DYNC1I1: variants seen among roughly 807,000 people sequenced by gnomAD.
The protein encoded by DYNC1I1 is dynein cytoplasmic 1 intermediate chain 1, also known as cytoplasmic dynein 1 intermediate chain 1.
Under a neutral mutation model 86.6 loss-of-function variants are expected in DYNC1I1, and 43 were observed. The observed-to-expected ratio is 0.50, with a 90% confidence interval of 0.39 to 0.64. The LOEUF (loss-of-function observed/expected upper bound fraction) is 0.64, where lower values mean the gene tolerates loss of function less well. DYNC1I1 is among the 30% of genes least tolerant of loss of function. The pLI is 0.00. For synonymous variants in DYNC1I1, 262 were observed against 283.7 expected (o/e 0.92, Z 0.77); for missense variants, 604 against 788.8 (o/e 0.77, Z 2.81).
chr7:96,095,940 G>A (rs1319416805), intron 16 of DYNC1I1, among the ~76,000 whole-genome samples: 1 of 152,038 alleles, frequency 6.6e-6, no homozygotes, highest in African/African-American at 2.4e-5. Flanking sequence ...TTGTGTTATT[G>A]CCTACAAAGA....
chr7:95,994,238 A>G (rs1441067863), intron 9 of DYNC1I1, among the ~76,000 whole-genome samples: 1 of 152,194 alleles, frequency 6.6e-6, no homozygotes, highest in Non-Finnish European at 1.5e-5. Flanking sequence ...CAAGTTTATT[A>G]TATGCTAGGA....
At chr7:95,986,840 G>T (rs576312622) in intron 8 of DYNC1I1, among the ~76,000 whole-genome samples, 1 of 151,866 alleles carries the variant, frequency 6.6e-6, no homozygotes, top group South Asian at 2.1e-4. Context: ...TAACAGTCTT[G>T]GAACGACATG....
intron 16 of DYNC1I1, among the ~76,000 whole-genome samples, chr7:96,109,178 TTTA>T (rs1791266250): frequency 2.0e-5 from 3 of 152,016 alleles, no homozygotes; most frequent in African/African-American, 7.2e-5. Flanking sequence ...GATTTTTGAT[TTTA>T]TTGTTTCTTA....
At chr7:95,898,312 A>T (rs1454412561) in intron 6 of DYNC1I1, among the ~76,000 whole-genome samples, 1 of 152,216 alleles carries the variant, frequency 6.6e-6, no homozygotes, top group Non-Finnish European at 1.5e-5. Context: ...TTGTCTCACC[A>T]TTGAATTTAG....
chr7:96,009,050 C>T (rs577265648), intron 10 of DYNC1I1, among the ~76,000 whole-genome samples: 1 of 152,262 alleles, frequency 6.6e-6, no homozygotes, highest in East Asian at 1.9e-4. Context: ...ATCTGTTTAT[C>T]TGTCTATCTA....
At position 95,954,915 on chromosome 7, in the gene DYNC1I1, C is replaced by CAAAAAAAAAAAAA. The variant is rs58435060; in HGVS notation, c.491-22586_491-22574dup. Among the ~76,000 whole-genome samples the CAAAAAAAAAAAAA allele has an allele frequency of 2.7e-4, 22 of 81,848 alleles. 1 individual carries two copies. Among genetic ancestry groups the CAAAAAAAAAAAAA allele is most frequent in the South Asian group, 6.5e-4 (1 of 1,550 alleles). 53.7% of individuals were successfully genotyped at this position (81,848 alleles called of 152,430 possible). On this transcript the variant is annotated intron_variant, in intron 6 of 16. Coordinates refer to ENST00000447467, the MANE Select transcript of DYNC1I1 (RefSeq NM_001135556.2). ...TGGGCAACAGAGCAAGACTCTGTCTCAAAAAAAAAAAAAAAAAAAAAAAGA... is the reference window on the plus strand; with the variant it reads ...TGGGCAACAGAGCAAGACTCTGTCTCAAAAAAAAAAAAAAAAAAAAAAAAAAAAAAAAAAAAGA...
At chr7:95,882,203 A>T (rs1042943553) in intron 6 of DYNC1I1, among the ~76,000 whole-genome samples, 2 of 152,168 alleles carry the variant, frequency 1.3e-5, no homozygotes, top group Admixed American at 1.3e-4. Context: ...TAAAATGACA[A>T]AATGGTTGGA....
At chr7:95,807,927 T>G (rs1794739638) in intron 2 of DYNC1I1, among the ~76,000 whole-genome samples, 1 of 152,188 alleles carries the variant, frequency 6.6e-6, no homozygotes, top group Middle Eastern at 3.2e-3. Context: ...TGTTTGTTTT[T>G]TAATCATTGA....
At chr7:96,068,508 A>C (rs926316183) in intron 14 of DYNC1I1, among the ~76,000 whole-genome samples, 2 of 152,192 alleles carry the variant, frequency 1.3e-5, no homozygotes, top group African/African-American at 4.8e-5. Context: ...TTGTTGACGC[A>C]AGAGGTAGAA....
At chr7:95,861,164 C>T (rs1789867533) in intron 5 of DYNC1I1, among the ~76,000 whole-genome samples, 1 of 152,046 alleles carries the variant, frequency 6.6e-6, no homozygotes, top group Admixed American at 6.6e-5. Context: ...CCTTATCTAC[C>T]TCTACTCCTC....
chr7:95,782,614 A>G (rs1185271134), intron 1 of DYNC1I1, among the ~76,000 whole-genome samples: 1 of 152,208 alleles, frequency 6.6e-6, no homozygotes, highest in African/African-American at 2.4e-5. Flanking sequence ...TTTAGCAGTT[A>G]TTGTCCGTAG....
chr7:96,064,023 T>C (rs555960103), intron 14 of DYNC1I1, among the ~76,000 whole-genome samples: 1 of 152,286 alleles, frequency 6.6e-6, no homozygotes, highest in Non-Finnish European at 1.5e-5. Context: ...GTGGCTTGGC[T>C]GATGCTGAAT....
Position 95,798,331 on chromosome 7 carries a change from CT to C in DYNC1I1, c.-9-6381del, listed in dbSNP as rs1045487296. Among the ~76,000 whole-genome samples, 9 of 150,130 alleles carry C rather than the reference CT, an allele frequency of 6.0e-5. No individual in the cohort carries two copies. In the South Asian group the frequency reaches 6.4e-4, roughly 11 times the overall value. ...TCCCTCCTGAGATGTCTATCACCCTCTTTTTTTTTGACTGAGCTATAGCTGT... is the reference window on the plus strand; with the variant it reads ...TCCCTCCTGAGATGTCTATCACCCTCTTTTTTTTGACTGAGCTATAGCTGT... On this transcript the variant is annotated intron_variant, in intron 1 of 16. Transcript: ENST00000447467.
chr7:95,791,141 A>C (rs956397955), intron 1 of DYNC1I1, among the ~76,000 whole-genome samples: 13 of 152,176 alleles, frequency 8.5e-5, no homozygotes, highest in Non-Finnish European at 1.6e-4. Flanking sequence ...ATAATATTTA[A>C]ATTTATTATT....
chr7:95,787,415 G>A (rs1489241301), intron 1 of DYNC1I1, among the ~76,000 whole-genome samples: 1 of 152,124 alleles, frequency 6.6e-6, no homozygotes, highest in African/African-American at 2.4e-5. Flanking sequence ...TGGGAAGGGA[G>A]GCAGAATCTA....
At chr7:96,004,786 G>A (rs542364117) in intron 10 of DYNC1I1, among the ~76,000 whole-genome samples, 28 of 152,286 alleles carry the variant, frequency 1.8e-4, no homozygotes, top group African/African-American at 6.3e-4. Flanking sequence ...ACAGTGTCCT[G>A]TAGGGGATGC....
intron 2 of DYNC1I1, 102 bp downstream of exon 2, chr7:95,804,939 T>C: frequency 7.0e-7 from 1 of 1,435,822 alleles, no homozygotes. Flanking sequence ...AGAATCCTTT[T>C]ATGATATCTG....
At chr7:95,783,485 A>G (rs1174402768) in intron 1 of DYNC1I1, among the ~76,000 whole-genome samples, 1 of 152,198 alleles carries the variant, frequency 6.6e-6, no homozygotes, top group Non-Finnish European at 1.5e-5. Context: ...ATAATTTATT[A>G]CCTACAATGT....
At chr7:95,804,486 G>A (rs529350411) in intron 1 of DYNC1I1, 4 of 873,534 alleles carry the variant, frequency 4.6e-6, no homozygotes, top group Non-Finnish European at 6.4e-6. Flanking sequence ...TAATAACCTT[G>A]TATTTCTTCA....
Sources: allele counts gnomAD v4.1 joint callset (sites outside exome capture counted in the v4.1 genomes callset), GRCh38; gene constraint gnomAD v4.1.1; transcripts MANE v1.5; gene names NCBI Gene and HGNC (gene_info 2026-07-23, HGNC 2026-07-21).